The following INTU variants were observed in gnomAD, a reference collection of about 807,000 sequenced individuals.
The protein encoded by INTU is inturned planar cell polarity protein, also known as protein inturned.
A neutral mutation model predicts 100.5 loss-of-function variants in INTU; 68 were observed. That is an observed-to-expected ratio of 0.68 (90% CI 0.56 to 0.83). The LOEUF is 0.83. Ranked by LOEUF, INTU falls within the 40% of genes least tolerant of loss-of-function variation. The pLI is 0.00. For synonymous variants in INTU, 357 were observed against 395.7 expected (o/e 0.90, Z 1.16); for missense variants, 1,071 against 1,114.7 (o/e 0.96, Z 0.56).
chr4:127,633,167 A>T lies in INTU; in HGVS notation c.133A>T (p.Ser45Cys), dbSNP rs1029769639. The T allele has an allele frequency of 1.9e-6, 3 of 1,613,650 alleles. No homozygotes were observed. Among genetic ancestry groups the T allele is most frequent in the Non-Finnish European group, 2.5e-6 (3 of 1,179,612 alleles). ...VSDSGSYSSA[S>C]SDYDDLEPEW... ...CGACTCGGGTTCATATTCCTCAGCG[A>T]GTAGCGATTATGAGTAAGGTTTTCA... is the stretch of plus-strand genomic sequence containing the variant. Residue 45 changes from serine (S) to cysteine (C), a missense_variant, in exon 1 of 16, where the codon AGT (serine) becomes TGT (cysteine). Coordinates refer to ENST00000335251, the MANE Select transcript of INTU (RefSeq NM_015693.4).
intron 3 of INTU, among the ~76,000 whole-genome samples, chr4:127,659,565 T>C (rs1371770693): frequency 2.0e-5 from 3 of 152,252 alleles, no homozygotes; most frequent in African/African-American, 7.2e-5. Flanking sequence ...CATCTAATTG[T>C]TGACTTTTGT....
intron 6 of INTU, among the ~76,000 whole-genome samples, chr4:127,674,575 G>T (rs111706472): frequency 0.037 from 5,696 of 152,218 alleles, 367 homozygotes; most frequent in African/African-American, 0.13. Context: ...AGAATTAAGG[G>T]TCAGCAGAAG....
Position 127,643,523 on chromosome 4 carries a change from A to C in INTU, c.149A>C (p.Asp50Ala). The change falls in exon 2 of 16, where the codon GAT becomes GCT. Residue 50 changes from aspartate (D) to alanine (A), a missense_variant and splice_region_variant. By Grantham distance (126) the Asp-to-Ala change is moderately radical. Transcript: ENST00000335251. ...ATTATCTTTTCTCTCTTTCATAGTGATCTTGAGCCTGAATGGCTGGACAGT... is the reference window on the plus strand; with the variant it reads ...ATTATCTTTTCTCTCTTTCATAGTGCTCTTGAGCCTGAATGGCTGGACAGT... The part of the protein sequence containing the change: ...SYSSASSDYD[D>A]LEPEWLDSVQ... 1.9e-6 allele frequency: 3 copies of C among 1,583,570 alleles called. No individual in the cohort carries two copies. Among genetic ancestry groups the C allele is most frequent in the Non-Finnish European group, 8.5e-7 (1 of 1,170,758 alleles).
At chr4:127,662,563 G>T (rs1257195211) in intron 3 of INTU, among the ~76,000 whole-genome samples, 2 of 152,112 alleles carry the variant, frequency 1.3e-5, no homozygotes, top group Non-Finnish European at 2.9e-5. Context: ...CCTTTTCCAA[G>T]GATAGGTAAT....
chr4:127,679,878 G>T (rs1729435505), intron 6 of INTU, among the ~76,000 whole-genome samples: 1 of 151,970 alleles, frequency 6.6e-6, no homozygotes, highest in African/African-American at 2.4e-5. Context: ...AAGAATAAAA[G>T]AGAGAAGAAT....
intron 8 of INTU, among the ~76,000 whole-genome samples, chr4:127,698,953 G>A (rs893021414): frequency 2.0e-5 from 3 of 152,082 alleles, no homozygotes; most frequent in Admixed American, 6.6e-5. Flanking sequence ...TCACAAATGA[G>A]TAATAACTCA....
chr4:127,656,620 G>C lies in INTU; in HGVS notation c.683-16G>C, dbSNP rs56223823. The C allele has an allele frequency of 1.9e-3, 2,946 of 1,578,852 alleles. 41 individuals carry two copies. In the African/African-American group the frequency reaches 0.034, roughly 18 times the overall value. On this transcript the variant is annotated splice_polypyrimidine_tract_variant and intron_variant, in intron 2 of 15. Transcript: ENST00000335251. Reference sequence around the variant, plus strand: ...GATATTCATAAAACTATCTTTTATTGTTATTCTGGTTTCAGGTGATGTCCT... The same window carrying C: ...GATATTCATAAAACTATCTTTTATTCTTATTCTGGTTTCAGGTGATGTCCT...
intron 3 of INTU, among the ~76,000 whole-genome samples, chr4:127,662,739 G>A (rs999952963): frequency 6.6e-6 from 1 of 152,048 alleles, no homozygotes; most frequent in African/African-American, 2.4e-5. Context: ...GCCACATTCT[G>A]GACTCTTACC....
At position 127,717,851 on chromosome 4, in the gene INTU, A is replaced by G. The variant is rs1402719771; in HGVS notation, c.*1415A>G. ...TTAATGCGGTTCTATTTTTTCTTGTAACTTGGTTTGAGTTCCTTGTAGATC... is the reference window on the plus strand; with the variant it reads ...TTAATGCGGTTCTATTTTTTCTTGTGACTTGGTTTGAGTTCCTTGTAGATC... On this transcript the variant is annotated 3_prime_UTR_variant, in exon 16 of 16. Transcript: ENST00000335251. 1.3e-5 allele frequency: 2 copies of G among 151,408 alleles called. No individual in the cohort carries two copies. Among genetic ancestry groups the G allele is most frequent in the African/African-American group, 4.9e-5 (2 of 41,190 alleles). 9.4% of individuals were successfully genotyped at this position (151,408 alleles called of 1,614,324 possible).
intron 9 of INTU, among the ~76,000 whole-genome samples, chr4:127,702,528 A>G (rs1730694874): frequency 6.6e-6 from 1 of 152,170 alleles, no homozygotes; most frequent in Non-Finnish European, 1.5e-5. Context: ...AAGTTGGTGT[A>G]GGGAGGTGTT....
chr4:127,696,532 C>T (rs58439665), intron 8 of INTU, among the ~76,000 whole-genome samples: 2 of 151,892 alleles, frequency 1.3e-5, no homozygotes, highest in East Asian at 3.9e-4. Flanking sequence ...ATGCCCCCCC[C>T]CTTTCATTTC....
In INTU at chr4:127,710,966, T is replaced by G; in HGVS notation, c.2423T>G (p.Val808Gly). 6.3e-7 allele frequency: 1 copy of G among 1,585,304 alleles called. No individual in the cohort carries two copies. The highest frequency in any genetic ancestry group is 1.7e-5 in the Admixed American group (1 of 59,592). Residue 808 changes from valine to glycine, a missense_variant, in exon 14 of 16, where the codon GTG (valine) becomes GGG (glycine). Physicochemically the swap from Val to Gly is moderately radical, Grantham distance 109. Coordinates refer to ENST00000335251, the MANE Select transcript of INTU (RefSeq NM_015693.4). ...TLFHYVALET[V>G]QGIFITPTLE... The stretch of plus-strand genomic sequence containing the variant: ...TTCCACTACGTTGCCTTAGAAACAG[T>G]GCAAGGAATCTTTATTACTCCTACC...
intron 1 of INTU, among the ~76,000 whole-genome samples, chr4:127,641,571 AGGCTAAGCTGGGTGACTCTCCCGTAT>A (rs1215721813): frequency 2.6e-5 from 4 of 152,000 alleles, no homozygotes; most frequent in Non-Finnish European, 4.4e-5. Flanking sequence ...ACCTCCAGCT[AGGCTAAGCTGGGTGACTCTCCCGTAT>A]GGCTAAGCTG....
intron 3 of INTU, among the ~76,000 whole-genome samples, chr4:127,657,455 G>C (rs529391396): frequency 2.6e-5 from 4 of 152,058 alleles, no homozygotes; most frequent in African/African-American, 9.7e-5. Flanking sequence ...TAGAGCAGGG[G>C]TCCCCAAACC....
intron 5 of INTU, among the ~76,000 whole-genome samples, chr4:127,670,451 T>C (rs994038106): frequency 6.6e-6 from 1 of 151,998 alleles, no homozygotes; most frequent in Non-Finnish European, 1.5e-5. Context: ...ATACAAACTG[T>C]TAGTTTATTT....
intron 15 of INTU, among the ~76,000 whole-genome samples, chr4:127,715,842 T>C (rs1220237375): frequency 1.3e-5 from 2 of 152,230 alleles, no homozygotes; most frequent in African/African-American, 4.8e-5. Context: ...TTGTATACAT[T>C]AGTATTGATT....
intron 8 of INTU, among the ~76,000 whole-genome samples, chr4:127,698,142 C>T (rs1017040831): frequency 6.6e-6 from 1 of 151,980 alleles, no homozygotes; most frequent in Non-Finnish European, 1.5e-5. Flanking sequence ...TAGTTAAAAA[C>T]GTGTGTGAGG....
chr4:127,676,602 AG>A (rs201111589), intron 6 of INTU, among the ~76,000 whole-genome samples: 912 of 83,884 alleles, frequency 0.011, 22 homozygotes, highest in African/African-American at 0.041. Context: ...AAAAAAAAAG[AG>A]AGAGAGAGGT....
At chr4:127,638,510 A>G (rs1727171517) in intron 1 of INTU, among the ~76,000 whole-genome samples, 1 of 152,174 alleles carries the variant, frequency 6.6e-6, no homozygotes, top group African/African-American at 2.4e-5. Context: ...AAGACCTGAG[A>G]GATTCAAATA....
Sources: allele counts gnomAD v4.1 joint callset (sites outside exome capture counted in the v4.1 genomes callset), GRCh38; gene constraint gnomAD v4.1.1; transcripts MANE v1.5; gene names NCBI Gene and HGNC (gene_info 2026-07-23, HGNC 2026-07-21).